The following SPECC1 variants were observed in gnomAD, a reference collection of about 807,000 sequenced individuals.
SPECC1 encodes the protein sperm antigen with calponin homology and coiled-coil domains 1, also known as cytospin-B.
SPECC1 carries 62 observed loss-of-function variants against 104.1 expected under a neutral mutation model. That is an observed-to-expected ratio of 0.60 (90% CI 0.49 to 0.74). The LOEUF (loss-of-function observed/expected upper bound fraction) is 0.74. Among genes scored for constraint, SPECC1 ranks in the 30% least tolerant of loss-of-function variants. SPECC1 has a pLI of 0.00. For synonymous variants in SPECC1, 513 were observed against 501.6 expected, an observed-to-expected ratio of 1.02 and a Z score of -0.30; for missense variants, 1,306 against 1,310.5, an observed-to-expected ratio of 1.00 and a Z score of 0.05.
At chr17:20,202,904 T>A (rs2036527491) in intron 3 of SPECC1, among the ~76,000 whole-genome samples, 1 of 152,250 alleles carries the variant, frequency 6.6e-6, no homozygotes, top group Non-Finnish European at 1.5e-5. Context: ...TAGTTTTCTA[T>A]ATATTAATTT....
At chr17:20,272,145 AC>A (rs1326371464) in intron 12 of SPECC1, among the ~76,000 whole-genome samples, 1 of 151,922 alleles carries the variant, frequency 6.6e-6, no homozygotes, top group Admixed American at 6.6e-5. Flanking sequence ...GTAATTCATG[AC>A]TTTATTTTCT....
rs146031063 is a variant in SPECC1, at chr17:20,298,976, T to TAG, written c.3057+1918_3057+1919dup. ...GTGTGTGTGTGTGTGTGTGTGTATG[T>TAG]AGAGAGAGAGAGAGAGAGAGGTGGG... On this transcript the variant is annotated intron_variant, in intron 13 of 14. Coordinates refer to ENST00000395527, the MANE Select transcript of SPECC1 (RefSeq NM_001243439.2). Among the ~76,000 whole-genome samples the TAG allele has an allele frequency of 6.3e-4, 49 of 77,404 alleles. 3 individuals are homozygous for TAG. Among genetic ancestry groups the TAG allele is most frequent in the Admixed American group, 9.1e-4 (7 of 7,710 alleles). The allele number at this position is 77,404 out of a possible 152,430, so 50.8% of individuals were successfully genotyped here. A position where few individuals can be genotyped will look rare whatever the true frequency, so the allele number is the denominator to read the frequency against.
At chr17:20,274,107 T>A (rs935989120) in intron 12 of SPECC1, among the ~76,000 whole-genome samples, 1 of 152,240 alleles carries the variant, frequency 6.6e-6, no homozygotes, top group African/African-American at 2.4e-5. Flanking sequence ...TTGTTCCTTC[T>A]GGAGTGCATT....
At chr17:20,254,073 T>C (rs1244996878) in intron 10 of SPECC1, among the ~76,000 whole-genome samples, 1 of 152,086 alleles carries the variant, frequency 6.6e-6, no homozygotes, top group Admixed American at 6.5e-5. Flanking sequence ...TCTGCAATTC[T>C]TAAAATTTGC....
intron 3 of SPECC1, among the ~76,000 whole-genome samples, chr17:20,156,896 AC>A (rs1567884953): frequency 6.6e-6 from 1 of 152,040 alleles, no homozygotes; most frequent in Non-Finnish European, 1.5e-5. Flanking sequence ...CTGGACTGTC[AC>A]GTGAAGCAAA....
chr17:20,186,785 T>G (rs2035312122), intron 3 of SPECC1, among the ~76,000 whole-genome samples: 1 of 152,154 alleles, frequency 6.6e-6, no homozygotes, highest in Non-Finnish European at 1.5e-5. Context: ...CAGGCTGGTT[T>G]CAAACTCCTG....
chr17:20,114,229 G>C (rs1412514149), intron 3 of SPECC1, among the ~76,000 whole-genome samples: 1 of 152,074 alleles, frequency 6.6e-6, no homozygotes, highest in Non-Finnish European at 1.5e-5. Context: ...GTATCAGTCT[G>C]TCGCCAGGCT....
chr17:20,066,436 C>T (rs558791313), intron 1 of SPECC1, among the ~76,000 whole-genome samples: 30 of 152,138 alleles, frequency 2.0e-4, no homozygotes, highest in South Asian at 4.1e-4. Context: ...TTAGCCTGCA[C>T]GGAGATTCCT....
intron 13 of SPECC1, among the ~76,000 whole-genome samples, chr17:20,297,989 A>C (rs975510753): frequency 2.0e-5 from 3 of 152,230 alleles, no homozygotes; most frequent in African/African-American, 7.2e-5. Flanking sequence ...CCCAGAGAGA[A>C]ACTCAGTGCT....
chr17:20,058,717 G>A (rs563315303), intron 1 of SPECC1, among the ~76,000 whole-genome samples: 4 of 152,052 alleles, frequency 2.6e-5, no homozygotes, highest in African/African-American at 9.6e-5. Flanking sequence ...TTAGATTAGC[G>A]GTCCCCAACC....
At chr17:20,158,964 G>T (rs1177172314) in intron 3 of SPECC1, among the ~76,000 whole-genome samples, 6 of 143,600 alleles carry the variant, frequency 4.2e-5, no homozygotes, top group African/African-American at 7.7e-5. Flanking sequence ...TTTTGTTTTT[G>T]TTTTTTTTTT....
rs866976619 is a variant in SPECC1 at position 20,315,812 on chromosome 17, C to T, written c.*1747C>T. The T allele has an allele frequency of 8.6e-6, 2 of 232,706 alleles. No individual in the cohort carries two copies. Among genetic ancestry groups the T allele is most frequent in the Non-Finnish European group, 1.7e-5 (2 of 117,798 alleles). 14.4% of individuals were successfully genotyped at this position (232,706 alleles called of 1,614,324 possible). ...ACCTTGAGACAAGAACTCCGCCCCC[C>T]TGTTAGTGCATCCCAGCTGCAGCTC... is the stretch of plus-strand genomic sequence containing the variant. On this transcript the variant is annotated 3_prime_UTR_variant, in exon 15 of 15. Transcript: ENST00000395527.
chr17:20,176,043 G>T (rs1458196262), intron 3 of SPECC1, among the ~76,000 whole-genome samples: 2 of 152,180 alleles, frequency 1.3e-5, no homozygotes, highest in Non-Finnish European at 2.9e-5. Flanking sequence ...CAGATTCTCT[G>T]CATAGAAGTT....
intron 3 of SPECC1, among the ~76,000 whole-genome samples, chr17:20,164,052 A>G (rs950602850): frequency 7.2e-5 from 11 of 152,192 alleles, no homozygotes; most frequent in South Asian, 4.1e-4. Context: ...ATGGAATTCT[A>G]TTACTACTTG....
At chr17:20,237,869 A>G (rs549728784) in intron 7 of SPECC1, 102 of 248,314 alleles carry the variant, frequency 4.1e-4, no homozygotes, top group Non-Finnish European at 6.0e-4. Flanking sequence ...TGGCCTCCCA[A>G]GTAGCTGGGA....
intron 1 of SPECC1, among the ~76,000 whole-genome samples, chr17:20,088,697 C>T (rs2047278781): frequency 6.6e-6 from 1 of 152,146 alleles, no homozygotes; most frequent in South Asian, 2.1e-4. Context: ...GGTAAGGGGT[C>T]AGCGTGGCTC....
At chr17:20,152,058 C>T (rs1480942157) in intron 3 of SPECC1, among the ~76,000 whole-genome samples, 2 of 150,252 alleles carry the variant, frequency 1.3e-5, no homozygotes, top group African/African-American at 4.9e-5. Context: ...CCCAGCTACT[C>T]GGGAGGCAGA....
At chr17:20,027,466 TGTTTTTGA>T (rs1166266009) in intron 1 of SPECC1, among the ~76,000 whole-genome samples, 1 of 152,168 alleles carries the variant, frequency 6.6e-6, no homozygotes, top group African/African-American at 2.4e-5. Flanking sequence ...TTGTTGCCTG[TGTTTTTGA>T]GGTTTTAGCC....
intron 1 of SPECC1, among the ~76,000 whole-genome samples, chr17:20,046,823 C>G (rs1001273246): frequency 6.9e-6 from 1 of 145,362 alleles, no homozygotes; most frequent in African/African-American, 2.6e-5. Context: ...GCCAGGGCTG[C>G]TAGGGTATGC....
Sources: allele counts gnomAD v4.1 joint callset (sites outside exome capture counted in the v4.1 genomes callset), GRCh38; gene constraint gnomAD v4.1.1; transcripts MANE v1.5; gene names NCBI Gene and HGNC (gene_info 2026-07-23, HGNC 2026-07-21).